FSCN1: variants seen among roughly 807,000 people sequenced by gnomAD.
FSCN1 encodes the protein fascin.
In FSCN1, 10 loss-of-function variants were observed where a neutral mutation model predicts 39.7. That is an observed-to-expected ratio of 0.25 (90% CI 0.16 to 0.43). FSCN1 has a LOEUF of 0.43. Ranked by LOEUF, FSCN1 falls within the 20% of genes least tolerant of loss-of-function variation. The pLI, the probability that FSCN1 is intolerant of heterozygous loss-of-function variation, is 1.00. For synonymous variants in FSCN1, 322 were observed against 320.0 expected, an observed-to-expected ratio of 1.01 and a Z score of -0.07; for missense variants, 525 against 723.8, an observed-to-expected ratio of 0.73 and a Z score of 3.15.
In FSCN1 at chr7:5,603,532, C is replaced by T; in HGVS notation, c.1026C>T (p.Asp342=). 3.7e-6 allele frequency: 6 copies of T among 1,614,134 alleles called. No homozygotes were observed. Among genetic ancestry groups the T allele is most frequent in the Non-Finnish European group, 5.1e-6 (6 of 1,180,014 alleles). ...ASCYFDIEWR[D]RRITLRASNG... is the part of the protein sequence containing the mutation. ...GCTACTTTGACATCGAGTGGCGTGACCGGCGCATCACACTGAGGGCGTCCA... is the reference window on the plus strand; with the variant it reads ...GCTACTTTGACATCGAGTGGCGTGATCGGCGCATCACACTGAGGGCGTCCA... Residue 342 remains aspartate (D), a synonymous_variant, in exon 3 of 5, where the codon GAC becomes GAT. Transcript: ENST00000382361. The surrounding 1 kb of genome is among the most constrained non-coding windows in gnomAD (Gnocchi z 8.5).
At position 5,605,312 on chromosome 7, in the gene FSCN1, G is replaced by A. The variant is rs564738398; in HGVS notation, c.1320G>A (p.Ala440=). 16 of 1,613,734 alleles carry A rather than the reference G, an allele frequency of 9.9e-6. No individual in the cohort carries two copies. The highest frequency in any genetic ancestry group is 7.7e-5 in the South Asian group (7 of 91,082). The change falls in exon 5 of 5, where the codon GCG becomes GCA. Residue 440 remains alanine, a synonymous_variant. Transcript: ENST00000382361. This position sits in a 1 kb window ranked among gnomAD's most constrained non-coding sequence, Gnocchi z 6.9. ...GKYWTVGSDS[A]VTSSGDTPVD... The stretch of plus-strand genomic sequence containing the variant: ...ACTGGACGGTGGGCAGTGACTCCGC[G>A]GTCACCAGCAGCGGCGACACTCCTG...
chr7:5,603,732 G>T lies in FSCN1; in HGVS notation c.1111+115G>T. ...CTGCTCTGTGCTGGGCATCCCCCCG[G>T]ACTGGCCCCGCACTGTCCTACCCTG... On this transcript the variant is annotated intron_variant, in intron 3 of 4. Coordinates refer to ENST00000382361, the MANE Select transcript of FSCN1 (RefSeq NM_003088.4). The surrounding 1 kb of genome is among the most constrained non-coding windows in gnomAD (Gnocchi z 8.5). The T allele has an allele frequency of 6.6e-7, 1 of 1,526,268 alleles. No homozygotes were observed. The highest frequency in any genetic ancestry group is 1.2e-5 in the South Asian group (1 of 84,704). 94.5% of individuals were successfully genotyped at this position (1,526,268 alleles called of 1,614,324 possible).
Position 5,605,250 on chromosome 7 carries a change from C to T in FSCN1, c.1280-22C>T, listed in dbSNP as rs749486110. ...GTGGGGAGCCAGGCTTTGGGCCCCA[C>T]TTGATAAAGTCCCCTCCCCAGACTC... On this transcript the variant is annotated intron_variant, in intron 4 of 4. Coordinates refer to ENST00000382361, the MANE Select transcript of FSCN1 (RefSeq NM_003088.4). The surrounding 1 kb of genome is among the most constrained non-coding windows in gnomAD (Gnocchi z 6.9). The T allele has an allele frequency of 5.0e-6, 8 of 1,595,734 alleles. No homozygotes were observed. The highest frequency in any genetic ancestry group is 1.8e-4 in the Middle Eastern group (1 of 5,714).
At position 5,599,827 on chromosome 7, in the gene FSCN1, G is replaced by T. The variant is rs2128549466; in HGVS notation, c.833-3430G>T. On this transcript the variant is annotated intron_variant, in intron 1 of 4. Coordinates refer to ENST00000382361, the MANE Select transcript of FSCN1 (RefSeq NM_003088.4). This position sits in a 1 kb window ranked among gnomAD's most constrained non-coding sequence, Gnocchi z 5.6. ...ATCTCTAAAAAAAAAATGGAATTGA[G>T]GATGTGTCCTCTGGGTGTGGGCTCT... Among the ~76,000 whole-genome samples, 1 of 152,044 alleles carries T rather than the reference G, an allele frequency of 6.6e-6. No individual in the cohort carries two copies. Among genetic ancestry groups the T allele is most frequent in the East Asian group, 1.9e-4 (1 of 5,142 alleles).
intron 1 of FSCN1, among the ~76,000 whole-genome samples, chr7:5,600,015 C>T (rs74711902): frequency 0.093 from 14,108 of 152,232 alleles, 711 homozygotes; most frequent in South Asian, 0.15. Flanking sequence ...GAATCCAGAG[C>T]GCGTGGGGAA....
chr7:5,594,364 G>C (rs575300741), intron 1 of FSCN1, among the ~76,000 whole-genome samples: 29 of 152,106 alleles, frequency 1.9e-4, no homozygotes, highest in East Asian at 7.8e-4. Context: ...CCGCTGGTGG[G>C]GGGGGGCGCG....
Position 5,603,216 on chromosome 7 carries a change from G to T in FSCN1, c.833-41G>T, listed in dbSNP as rs764977222. 15 of 1,607,912 alleles carry T rather than the reference G, an allele frequency of 9.3e-6. No homozygotes were observed. The highest frequency in any genetic ancestry group is 2.2e-4 in the Middle Eastern group (1 of 4,452). Reference sequence around the variant, plus strand: ...GGCTATGGTCTGCCAGAACTAGGGGGCGTGGGGCCCCAGTACCAGCCCAAG... The same window carrying T: ...GGCTATGGTCTGCCAGAACTAGGGGTCGTGGGGCCCCAGTACCAGCCCAAG... On this transcript the variant is annotated intron_variant, in intron 1 of 4. Coordinates refer to ENST00000382361, the MANE Select transcript of FSCN1 (RefSeq NM_003088.4). This position sits in a 1 kb window ranked among gnomAD's most constrained non-coding sequence, Gnocchi z 8.5.
rs758659055 is a variant in FSCN1, at chr7:5,603,389, G to A, written c.965G>A (p.Gly322Asp). ...TACTGGACGCTGACGGCCACCGGGG[G>A]CGTGCAGTCCACCGCCTCCAGCAAG... ...GKYWTLTATG[G>D]VQSTASSKNA... is the part of the protein sequence containing the mutation. The change falls in exon 2 of 5, where the codon GGC (glycine) becomes GAC (aspartate). Residue 322 changes from glycine (G) to aspartate (D), a missense_variant. Around this residue, in one of 3 missense-constraint regions of FSCN1, gnomAD observed 275 missense variants for 351.9 expected, o/e 0.78. Coordinates refer to ENST00000382361, the MANE Select transcript of FSCN1 (RefSeq NM_003088.4). The surrounding 1 kb of genome is among the most constrained non-coding windows in gnomAD (Gnocchi z 8.5). The A allele has an allele frequency of 6.2e-7, 1 of 1,613,662 alleles. No individual in the cohort carries two copies. The highest frequency in any genetic ancestry group is 1.1e-5 in the South Asian group (1 of 91,088).
intron 1 of FSCN1, among the ~76,000 whole-genome samples, chr7:5,597,815 G>C (rs1381972814): frequency 6.6e-6 from 1 of 152,084 alleles, no homozygotes; most frequent in Non-Finnish European, 1.5e-5. Flanking sequence ...GGGGAGGACA[G>C]GCAGGGCTAG....
Position 5,597,218 on chromosome 7 carries a change from A to G in FSCN1, c.832+3450A>G, listed in dbSNP as rs1002360285. Among the ~76,000 whole-genome samples the G allele has an allele frequency of 5.8e-4, 89 of 152,260 alleles. No individual in the cohort carries two copies. In the Middle Eastern group the frequency reaches 0.01, roughly 17 times the overall value. ...ACCTCTGTCTACAAAAAATACAAAA[A>G]ATTAGCCAGGCATGGTGATGCACGC... On this transcript the variant is annotated intron_variant, in intron 1 of 4. Transcript: ENST00000382361.
At chr7:5,601,364 A>C (rs1584302578) in intron 1 of FSCN1, among the ~76,000 whole-genome samples, 1 of 151,374 alleles carries the variant, frequency 6.6e-6, no homozygotes, top group South Asian at 2.1e-4. Flanking sequence ...CACCATGCCC[A>C]GCTAATTTTT....
Position 5,605,676 on chromosome 7 carries a change from C to A in FSCN1, c.*202C>A. 1 of 565,960 alleles carries A rather than the reference C, an allele frequency of 1.8e-6. No individual in the cohort carries two copies. The highest frequency in any genetic ancestry group is 3.1e-6 in the Non-Finnish European group (1 of 319,220). 35.1% of individuals were successfully genotyped at this position (565,960 alleles called of 1,614,324 possible). ...CCCTCCGCCCGGGTTCCCTACTCCC[C>A]TCGGGTCAGCGGCTGCGGCCTGGCC... On this transcript the variant is annotated 3_prime_UTR_variant, in exon 5 of 5. Transcript: ENST00000382361. The surrounding 1 kb of genome is among the most constrained non-coding windows in gnomAD (Gnocchi z 6.9).
intron 1 of FSCN1, among the ~76,000 whole-genome samples, chr7:5,601,072 G>A (rs1337126277): frequency 6.6e-6 from 1 of 150,700 alleles, no homozygotes; most frequent in Non-Finnish European, 1.5e-5. Flanking sequence ...TACAGGTGTG[G>A]GCCACTGTGC....
At chr7:5,598,524 C>T (rs1208426890) in intron 1 of FSCN1, among the ~76,000 whole-genome samples, 3 of 152,234 alleles carry the variant, frequency 2.0e-5, no homozygotes, top group Admixed American at 6.5e-5. Context: ...AAGGAGCCTC[C>T]CGGCTTCCTG....
At chr7:5,593,990 G>A in intron 1 of FSCN1, 1 of 555,068 alleles carries the variant, frequency 1.8e-6, no homozygotes, top group Non-Finnish European at 3.2e-6. Context: ...CCCCGGGCTG[G>A]GATCATGGGC....
At chr7:5,594,056 C>CG in intron 1 of FSCN1, 2 of 404,118 alleles carry the variant, frequency 4.9e-6, no homozygotes, top group Non-Finnish European at 4.4e-6. Flanking sequence ...CCCCCCCCCC[C>CG]GCCCAATCTT....
At chr7:5,596,529 C>T (rs1298740381) in intron 1 of FSCN1, among the ~76,000 whole-genome samples, 1 of 152,182 alleles carries the variant, frequency 6.6e-6, no homozygotes, top group East Asian at 1.9e-4. Context: ...CCTCCCTGCT[C>T]CCCAGGATCC....
rs769995534 is a variant in FSCN1 at position 5,593,591 on chromosome 7, G to C, written c.655G>C (p.Gly219Arg). ...TGGCTACACGCTGGAGTTCCGCTCC[G>C]GCAAGGTGGCCTTCCGCGACTGCGA... ...ATGYTLEFRSGKVAFRDCEGR... is the reference protein window; with the variant it reads ...ATGYTLEFRSRKVAFRDCEGR... The change falls in exon 1 of 5, where the codon GGC becomes CGC. Residue 219 changes from glycine to arginine, a missense_variant. This residue lies in a region of FSCN1 where 246 missense variants were observed against 350.6 expected (regional missense o/e 0.70). Transcript: ENST00000382361. The C allele has an allele frequency of 6.4e-7, 1 of 1,562,794 alleles. No individual in the cohort carries two copies. Among genetic ancestry groups the C allele is most frequent in the Non-Finnish European group, 8.6e-7 (1 of 1,160,674 alleles).
Position 5,605,295 on chromosome 7 carries a change from G to A in FSCN1, c.1303G>A (p.Val435Met), listed in dbSNP as rs1364439526. 6.2e-7 allele frequency: 1 copy of A among 1,613,578 alleles called. No individual in the cohort carries two copies. Among genetic ancestry groups the A allele is most frequent in the Admixed American group, 1.7e-5 (1 of 60,022 alleles). Residue 435 changes from valine to methionine, a missense_variant, in exon 5 of 5, where the codon GTG (valine) becomes ATG (methionine). Val to Met is a conservative substitution (Grantham distance 21). This residue lies in a region of FSCN1 where 275 missense variants were observed against 351.9 expected (regional missense o/e 0.78). Transcript: ENST00000382361. This position sits in a 1 kb window ranked among gnomAD's most constrained non-coding sequence, Gnocchi z 6.9. ...AGACTCCACAGGCAAATACTGGACG[G>A]TGGGCAGTGACTCCGCGGTCACCAG... ...IKDSTGKYWTVGSDSAVTSSG... is the reference protein window; with the variant it reads ...IKDSTGKYWTMGSDSAVTSSG...
Sources: allele counts gnomAD v4.1 joint callset (sites outside exome capture counted in the v4.1 genomes callset), GRCh38; gene constraint gnomAD v4.1.1; regional missense constraint gnomAD v4.1.1; non-coding constraint Gnocchi (gnomAD v3.1); transcripts MANE v1.5; gene names NCBI Gene and HGNC (gene_info 2026-07-23, HGNC 2026-07-21).